The following ADCYAP1R1 variants were observed in gnomAD, a reference collection of about 807,000 sequenced individuals.
ADCYAP1R1 encodes pituitary adenylate cyclase-activating polypeptide type I receptor.
Under a neutral mutation model 67.6 loss-of-function variants are expected in ADCYAP1R1, and 44 were observed. That is an observed-to-expected ratio of 0.65 (90% CI 0.51 to 0.84). The LOEUF is 0.84. ADCYAP1R1 is among the 40% of genes least tolerant of loss of function. The probability of loss-of-function intolerance (pLI) is 0.00; values close to 1 mark genes in which losing one functional copy is unlikely to be tolerated. For synonymous variants in ADCYAP1R1, 222 were observed against 219.6 expected, an observed-to-expected ratio of 1.01 and a Z score of -0.10; for missense variants, 477 against 587.9, an observed-to-expected ratio of 0.81 and a Z score of 1.95.
chr7:31,103,765 G>A (rs1408968868), intron 14 of ADCYAP1R1, among the ~76,000 whole-genome samples: 2 of 152,122 alleles, frequency 1.3e-5, no homozygotes, highest in African/African-American at 4.8e-5. Context: ...TGGCCACAGA[G>A]AGCCCAGTGA....
intron 3 of ADCYAP1R1, among the ~76,000 whole-genome samples, 156 bp from the exon 4 acceptor site, chr7:31,077,831 TGTTG>T (rs111558685): frequency 0.15 from 22,662 of 149,996 alleles, 2,987 homozygotes; most frequent in African/African-American, 0.37. Flanking sequence ...GATGTGTGTT[TGTTG>T]GTGTTGTGTG....
chr7:31,063,390 C>T, intron 2 of ADCYAP1R1, 75 bp downstream of exon 2: 1 of 1,546,970 alleles, frequency 6.5e-7, no homozygotes, highest in Non-Finnish European at 8.9e-7. Context: ...CATGTTTTTT[C>T]TGTACCCTCA....
chr7:31,101,953 G>A (rs1796455440), intron 13 of ADCYAP1R1, among the ~76,000 whole-genome samples: 4 of 152,150 alleles, frequency 2.6e-5, no homozygotes, highest in Admixed American at 2.6e-4. Flanking sequence ...TTTACGGGCT[G>A]AGCTCCCTCT....
At chr7:31,077,718 G>A (rs1795329398) in intron 3 of ADCYAP1R1, among the ~76,000 whole-genome samples, 2 of 148,512 alleles carry the variant, frequency 1.3e-5, no homozygotes, top group African/African-American at 5.0e-5. Flanking sequence ...TGTGTGTAAT[G>A]TGTGTGTGGT....
intron 13 of ADCYAP1R1, chr7:31,095,792 C>T: frequency 1.4e-6 from 1 of 716,074 alleles, no homozygotes; most frequent in Non-Finnish European, 2.6e-6. Context: ...GGTTTGTCCT[C>T]CATAGACCAA....
At chr7:31,068,213 G>GCA (rs1554300581) in intron 3 of ADCYAP1R1, among the ~76,000 whole-genome samples, 2 of 132,164 alleles carry the variant, frequency 1.5e-5, no homozygotes, top group African/African-American at 6.5e-5. Context: ...GCATGTGCGC[G>GCA]CGCACACACA....
chr7:31,068,585 C>T (rs1214786794), intron 3 of ADCYAP1R1, among the ~76,000 whole-genome samples: 1 of 152,204 alleles, frequency 6.6e-6, no homozygotes, highest in Admixed American at 6.5e-5. Context: ...CCACCCTTTT[C>T]TTAGCTATGA....
At chr7:31,074,322 C>T (rs745977200) in intron 3 of ADCYAP1R1, among the ~76,000 whole-genome samples, 5 of 152,190 alleles carry the variant, frequency 3.3e-5, no homozygotes, top group East Asian at 1.9e-4. Context: ...ATCAATTTCA[C>T]AGCTTTGTCT....
chr7:31,093,919 G>A (rs1411495299), intron 13 of ADCYAP1R1, among the ~76,000 whole-genome samples: 4 of 151,904 alleles, frequency 2.6e-5, no homozygotes, highest in African/African-American at 4.8e-5. Context: ...AGAACTGCTC[G>A]GAGACCAAAT....
At chr7:31,100,283 C>A in intron 13 of ADCYAP1R1, 15 of 1,437,796 alleles carry the variant, frequency 1.0e-5, no homozygotes, top group Non-Finnish European at 1.4e-5. Context: ...ACTGCCGCTG[C>A]TGGAGGAGAG....
intron 12 of ADCYAP1R1, among the ~76,000 whole-genome samples, chr7:31,091,713 C>T (rs1192784941): frequency 6.6e-6 from 1 of 152,118 alleles, no homozygotes; most frequent in Non-Finnish European, 1.5e-5. Context: ...AGACACTGAT[C>T]AAACTGGGCA....
chr7:31,105,408 A>C (rs1796599204), intron 15 of ADCYAP1R1, among the ~76,000 whole-genome samples: 1 of 152,156 alleles, frequency 6.6e-6, no homozygotes, highest in South Asian at 2.1e-4. Flanking sequence ...AGACTGTGAG[A>C]ATTTGGAAGA....
rs1794047347 is a variant in ADCYAP1R1 at position 31,052,419 on chromosome 7, T to A, written c.-331T>A. 1 of 151,100 alleles carries A rather than the reference T, an allele frequency of 6.6e-6. No homozygotes were observed. Among genetic ancestry groups the A allele is most frequent in the East Asian group, 1.9e-4 (1 of 5,132 alleles). 9.4% of individuals were successfully genotyped at this position (151,100 alleles called of 1,614,324 possible). On this transcript the variant is annotated 5_prime_UTR_variant, in exon 1 of 16. Transcript: ENST00000304166. ...GGGGCGGGCAAAGGGGGCGCTGCGC[T>A]CGGCCCCGGGCAGGGAGTGACGGCG...
intron 3 of ADCYAP1R1, among the ~76,000 whole-genome samples, chr7:31,074,147 G>C (rs1364361539): frequency 6.6e-6 from 1 of 152,190 alleles, no homozygotes; most frequent in African/African-American, 2.4e-5. Flanking sequence ...GAGACACTCA[G>C]TTGTCCCTGT....
At chr7:31,055,398 A>G (rs555501682) in intron 1 of ADCYAP1R1, among the ~76,000 whole-genome samples, 330 of 152,008 alleles carry the variant, frequency 2.2e-3, no homozygotes, top group Non-Finnish European at 3.1e-3. Context: ...AGGGTAGGCA[A>G]CCTTTTTCTG....
At chr7:31,071,241 G>A (rs776890266) in intron 3 of ADCYAP1R1, among the ~76,000 whole-genome samples, 12 of 152,144 alleles carry the variant, frequency 7.9e-5, no homozygotes, top group Non-Finnish European at 1.3e-4. Context: ...TAGCTTATGC[G>A]TTCTCTTTCA....
chr7:31,078,678 T>C (rs1017816089), intron 4 of ADCYAP1R1, among the ~76,000 whole-genome samples: 1 of 152,136 alleles, frequency 6.6e-6, no homozygotes, highest in African/African-American at 2.4e-5. Context: ...ACAAGGCCCG[T>C]TGGGGCTGGC....
chr7:31,100,046 T>C (rs1796374225), intron 13 of ADCYAP1R1: 1 of 1,397,870 alleles, frequency 7.2e-7, no homozygotes. Context: ...ACCCTCCTCT[T>C]TTCTGCTTTC....
intron 14 of ADCYAP1R1, 84 bp from the exon 15 acceptor site, chr7:31,104,783 TC>T (rs987317227): frequency 7.3e-5 from 108 of 1,481,540 alleles, no homozygotes; most frequent in Non-Finnish European, 1.0e-4. Flanking sequence ...TATTTCTGCT[TC>T]CTAGAGTCAT....
Sources: gnomAD v4.1 joint callset for allele counts (sites outside exome capture counted in the v4.1 genomes callset) on GRCh38, gnomAD v4.1.1 for gene constraint, MANE v1.5 for transcripts, NCBI Gene and HGNC (gene_info 2026-07-23, HGNC 2026-07-21) for gene names.